SLC22A14: variants seen among roughly 807,000 people sequenced by gnomAD.
The protein encoded by SLC22A14 is organic cation transporter-like 4.
SLC22A14 carries 50 observed loss-of-function variants against 53.9 expected under a neutral mutation model. The ratio of observed to expected loss-of-function variants is 0.93; its 90% confidence interval spans 0.74 to 1.17. SLC22A14 has a LOEUF of 1.17. Among genes scored for constraint, SLC22A14 ranks in the 50% most tolerant of loss-of-function variants. SLC22A14 has a pLI of 0.00. For missense variants in SLC22A14, 671 were observed against 734.7 expected, an observed-to-expected ratio of 0.91 and a Z score of 1.00; for synonymous variants, 312 against 303.0, an observed-to-expected ratio of 1.03 and a Z score of -0.31.
chr3:38,286,855 C>T (rs1213445412), intron 1 of SLC22A14, among the ~76,000 whole-genome samples: 1 of 152,014 alleles, frequency 6.6e-6, no homozygotes, highest in Non-Finnish European at 1.5e-5. Context: ...CCACAGCCTC[C>T]CGAGTAGCTG....
At chr3:38,295,081 A>G (rs1703997888) in intron 1 of SLC22A14, among the ~76,000 whole-genome samples, 1 of 152,188 alleles carries the variant, frequency 6.6e-6, no homozygotes, top group African/African-American at 2.4e-5. Flanking sequence ...CTCCTTATCA[A>G]TTACTGAATA....
intron 1 of SLC22A14, among the ~76,000 whole-genome samples, chr3:38,295,313 C>T (rs201803362): frequency 0.051 from 6,031 of 117,372 alleles, no homozygotes; most frequent in African/African-American, 0.075. Context: ...AGTAAGCTAC[C>T]TTTTTGCTTT....
At chr3:38,288,579 A>G (rs1052524798) in intron 1 of SLC22A14, among the ~76,000 whole-genome samples, 1 of 152,126 alleles carries the variant, frequency 6.6e-6, no homozygotes, top group Admixed American at 6.5e-5. Flanking sequence ...CATCCTCACC[A>G]ATATTTGTTT....
At chr3:38,309,307 C>T (rs746765960) in intron 5 of SLC22A14, among the ~76,000 whole-genome samples, 185 bp downstream of exon 5, 8 of 152,120 alleles carry the variant, frequency 5.3e-5, no homozygotes, top group Non-Finnish European at 7.3e-5. Context: ...ACCTCCTCCC[C>T]GACCCAGAGA....
intron 5 of SLC22A14, among the ~76,000 whole-genome samples, chr3:38,311,713 T>C (rs535187016): frequency 6.6e-6 from 1 of 152,356 alleles, no homozygotes; most frequent in South Asian, 2.1e-4. Flanking sequence ...TTTGCCATTT[T>C]GTAGCAAGGA....
At position 38,307,368 on chromosome 3, in the gene SLC22A14, G is replaced by T. The variant is rs774266474; in HGVS notation, c.620+11G>T. On this transcript the variant is annotated intron_variant, in intron 3 of 10. Coordinates refer to ENST00000448498, the MANE Select transcript of SLC22A14 (RefSeq NM_001320033.2). This position sits in a 1 kb window ranked among gnomAD's most constrained non-coding sequence, Gnocchi z 4.4. ...GCTCATAACTGACAAGTGAGTCCCC[G>T]GGAGTTTCTGCTGGTCCCCGAGCCA... 6.2e-7 allele frequency: 1 copy of T among 1,603,428 alleles called. No individual in the cohort carries two copies. Among genetic ancestry groups the T allele is most frequent in the Non-Finnish European group, 8.5e-7 (1 of 1,170,244 alleles).
At chr3:38,301,223 A>G (rs4679029) in intron 1 of SLC22A14, among the ~76,000 whole-genome samples, 9,779 of 152,304 alleles carry the variant, frequency 0.064, 374 homozygotes, top group East Asian at 0.16. Context: ...TGTGCAAGAC[A>G]TAAACAAATC....
intron 1 of SLC22A14, among the ~76,000 whole-genome samples, chr3:38,283,108 C>T (rs1159717467): frequency 2.0e-5 from 3 of 152,042 alleles, no homozygotes; most frequent in Non-Finnish European, 2.9e-5. Flanking sequence ...CTCTGGGACC[C>T]CTTGCATCTT....
intron 1 of SLC22A14, among the ~76,000 whole-genome samples, chr3:38,297,721 G>A (rs1575409548): frequency 6.6e-6 from 1 of 152,172 alleles, no homozygotes; most frequent in East Asian, 1.9e-4. Flanking sequence ...TCATATGCAG[G>A]GGTGTATGAT....
At chr3:38,284,368 C>T (rs984481555) in intron 1 of SLC22A14, among the ~76,000 whole-genome samples, 2 of 152,218 alleles carry the variant, frequency 1.3e-5, no homozygotes, top group Non-Finnish European at 2.9e-5. Context: ...TGGGTCACTC[C>T]TCCAGGGCCG....
intron 5 of SLC22A14, among the ~76,000 whole-genome samples, chr3:38,309,597 G>A (rs1160855336): frequency 6.6e-6 from 1 of 152,212 alleles, no homozygotes; most frequent in Non-Finnish European, 1.5e-5. Context: ...AGTCAGGGAA[G>A]AGTATCAGAT....
chr3:38,288,471 G>A (rs2125871433), intron 1 of SLC22A14, among the ~76,000 whole-genome samples: 1 of 152,196 alleles, frequency 6.6e-6, no homozygotes, highest in South Asian at 2.1e-4. Context: ...TGGATCAAAT[G>A]GTACTCCTAT....
chr3:38,298,924 T>C (rs925872810), intron 1 of SLC22A14, among the ~76,000 whole-genome samples: 1 of 152,220 alleles, frequency 6.6e-6, no homozygotes, highest in Non-Finnish European at 1.5e-5. Context: ...ATATAGTTAC[T>C]TATTTGCTTA....
chr3:38,313,030 A>G lies in SLC22A14; in HGVS notation c.976A>G (p.Met326Val), dbSNP rs745921183. ...ILPESPRWLM[M>V]KGKVKEAKQV... is the part of the protein sequence containing the mutation. ...CCCGGAGTCCCCGCGGTGGCTGATG[A>G]TGAAAGGGAAGGTGAAGGAGGCCAA... is the stretch of plus-strand genomic sequence containing the variant. The change falls in exon 6 of 11, where the codon ATG becomes GTG. Residue 326 changes from methionine (M) to valine (V), a missense_variant. Met to Val is a conservative substitution (Grantham distance 21). Transcript: ENST00000448498. 6.3e-7 allele frequency: 1 copy of G among 1,591,040 alleles called. No individual in the cohort carries two copies. Among genetic ancestry groups the G allele is most frequent in the South Asian group, 1.1e-5 (1 of 87,166 alleles).
At chr3:38,297,619 C>G (rs1704069864) in intron 1 of SLC22A14, among the ~76,000 whole-genome samples, 2 of 152,154 alleles carry the variant, frequency 1.3e-5, no homozygotes, top group East Asian at 1.9e-4. Flanking sequence ...CTCCCTTCCC[C>G]ACCCAGCCTT....
intron 2 of SLC22A14, among the ~76,000 whole-genome samples, chr3:38,306,814 C>G (rs1306881047): frequency 2.6e-5 from 4 of 152,212 alleles, no homozygotes; most frequent in African/African-American, 7.2e-5. Flanking sequence ...GTGGTTCTGA[C>G]CTCAGAACTC....
intron 5 of SLC22A14, among the ~76,000 whole-genome samples, chr3:38,312,123 C>A (rs564117902): frequency 1.3e-5 from 2 of 152,058 alleles, no homozygotes; most frequent in Non-Finnish European, 2.9e-5. Context: ...GAGTCCTGGT[C>A]GGGGAGGGAG....
At chr3:38,305,618 A>G (rs1038201745) in intron 1 of SLC22A14, 1 of 171,216 alleles carries the variant, frequency 5.8e-6, no homozygotes, top group African/African-American at 2.4e-5. Context: ...CCTCCTGGCT[A>G]CAGCCGACGA....
chr3:38,302,003 C>T (rs895072828), intron 1 of SLC22A14, among the ~76,000 whole-genome samples: 14 of 150,906 alleles, frequency 9.3e-5, no homozygotes, highest in Non-Finnish European at 8.8e-5. Flanking sequence ...GAGGCCAGGG[C>T]AGGCGGATCA....
Sources: gnomAD v4.1 joint callset for allele counts (sites outside exome capture counted in the v4.1 genomes callset) on GRCh38, gnomAD v4.1.1 for gene constraint, Gnocchi (gnomAD v3.1) non-coding constraint, MANE v1.5 for transcripts, NCBI Gene and HGNC (gene_info 2026-07-23, HGNC 2026-07-21) for gene names.